EIF2S2: variants seen among roughly 807,000 people sequenced by gnomAD.
The protein encoded by EIF2S2 is eukaryotic translation initiation factor 2 subunit 2.
EIF2S2 carries 4 observed loss-of-function variants against 44.0 expected under a neutral mutation model. That is an observed-to-expected ratio of 0.09 (90% CI 0.04 to 0.21). The LOEUF (loss-of-function observed/expected upper bound fraction) is 0.21, where lower values mean the gene tolerates loss of function less well. Among genes scored for constraint, EIF2S2 ranks in the 10% least tolerant of loss-of-function variants. EIF2S2 has a pLI of 1.00. For synonymous variants in EIF2S2, 108 were observed against 128.3 expected (o/e 0.84, Z 1.07); for missense variants, 154 against 392.0 (o/e 0.39, Z 5.13).
chr20:34,089,358 G>GT lies in EIF2S2; in HGVS notation c.*371dup, dbSNP rs2034134793. The GT allele has an allele frequency of 5.2e-6, 1 of 193,804 alleles. No individual in the cohort carries two copies. The highest frequency in any genetic ancestry group is 1.0e-5 in the Non-Finnish European group (1 of 95,922). The allele number at this position is 193,804 out of a possible 1,614,324, so 12.0% of individuals were successfully genotyped here. On this transcript the variant is annotated 3_prime_UTR_variant, in exon 9 of 9. Coordinates refer to ENST00000374980, the MANE Select transcript of EIF2S2 (RefSeq NM_003908.5). ...TCTCAGTCAGAGCCCGGCACACACT[G>GT]TTTTATATGGTTGGTTTCTTGCTGA...
intron 7 of EIF2S2, among the ~76,000 whole-genome samples, chr20:34,091,547 C>A (rs2034162766): frequency 1.3e-5 from 2 of 151,840 alleles, no homozygotes. Context: ...GGAACCCCGT[C>A]TCTACTACAA....
chr20:34,089,624 G>A lies in EIF2S2; in HGVS notation c.*106C>T. 2 of 1,309,718 alleles carry A rather than the reference G, an allele frequency of 1.5e-6. No individual in the cohort carries two copies. The highest frequency in any genetic ancestry group is 2.0e-6 in the Non-Finnish European group (2 of 976,948). 81.1% of individuals were successfully genotyped at this position (1,309,718 alleles called of 1,614,324 possible). A position where few individuals can be genotyped will look rare whatever the true frequency, so the allele number is the denominator to read the frequency against. ...AGACCAACCACTCGCCAAAAATCTT[G>A]GCAGCTTTTTTATCTTGTTTTTAAT... On this transcript the variant is annotated 3_prime_UTR_variant, in exon 9 of 9. Coordinates refer to ENST00000374980, the MANE Select transcript of EIF2S2 (RefSeq NM_003908.5).
chr20:34,097,390 C>T lies in EIF2S2; in HGVS notation c.534+26G>A, dbSNP rs192134444. 3 of 1,580,126 alleles carry T rather than the reference C, an allele frequency of 1.9e-6. No homozygotes were observed. In the African/African-American group the frequency reaches 4.0e-5, roughly 21 times the overall value. On this transcript the variant is annotated intron_variant, in intron 5 of 8. Coordinates refer to ENST00000374980, the MANE Select transcript of EIF2S2 (RefSeq NM_003908.5). ...TTGAGCACTAGTGAATAGCTTAGCC[C>T]CTTTTCACAACAGATTTTGTCTTAC... is the stretch of plus-strand genomic sequence containing the variant.
At chr20:34,098,329 C>A (rs994090888) in intron 4 of EIF2S2, among the ~76,000 whole-genome samples, 169 bp downstream of exon 4, 2 of 151,980 alleles carry the variant, frequency 1.3e-5, no homozygotes, top group Non-Finnish European at 2.9e-5. Flanking sequence ...TTAACAAATT[C>A]TTTAACTGCC....
chr20:34,096,212 A>G (rs980482132), intron 6 of EIF2S2, among the ~76,000 whole-genome samples: 1 of 152,006 alleles, frequency 6.6e-6, no homozygotes, highest in Admixed American at 6.6e-5. Context: ...GTGGGTCAGC[A>G]TGAGTTGATT....
At chr20:34,100,406 C>A (rs1289556408) in intron 3 of EIF2S2, among the ~76,000 whole-genome samples, 1 of 152,134 alleles carries the variant, frequency 6.6e-6, no homozygotes, top group East Asian at 1.9e-4. Flanking sequence ...AAGTTCCAAC[C>A]CTCTAAAATC....
rs2034173738 is a variant in EIF2S2 at position 34,092,171 on chromosome 20, C to CT, written c.740+1503dup. 2.0e-5 allele frequency among the ~76,000 whole-genome samples: 3 copies of CT among 152,256 alleles called. No homozygotes were observed. The South Asian group carries it at 6.2e-4, about 32-fold the overall frequency. ...GATTGCAATGCTTGATGTAGAAATT[C>CT]TTTTTCATTCACTGTCAAAATAAAT... On this transcript the variant is annotated intron_variant, in intron 7 of 8. Coordinates refer to ENST00000374980, the MANE Select transcript of EIF2S2 (RefSeq NM_003908.5).
intron 3 of EIF2S2, 129 bp downstream of exon 3, chr20:34,103,333 T>C: frequency 1.6e-6 from 2 of 1,261,144 alleles, no homozygotes; most frequent in South Asian, 1.4e-5. Flanking sequence ...AAAATGACGC[T>C]ACCAGTGGCA....
chr20:34,107,544 G>A (rs1317037291), intron 1 of EIF2S2, among the ~76,000 whole-genome samples: 2 of 152,146 alleles, frequency 1.3e-5, no homozygotes, highest in African/African-American at 2.4e-5. Context: ...GTAAGTACTC[G>A]ATAAATATTA....
In EIF2S2 at chr20:34,096,665, G is replaced by C. The variant is rs763581217; in HGVS notation, c.675C>G (p.Ile225Met). 6.3e-7 allele frequency: 1 copy of C among 1,598,452 alleles called. No individual in the cohort carries two copies. The highest frequency in any genetic ancestry group is 8.5e-7 in the Non-Finnish European group (1 of 1,175,550). Residue 225 changes from isoleucine to methionine, a missense_variant, in exon 6 of 9, where the codon ATC becomes ATG. Physicochemically the swap from Ile to Met is conservative, Grantham distance 10 (BLOSUM62 1). This residue lies in a region of EIF2S2 where 20 missense variants were observed against 167.0 expected (regional missense o/e 0.12). Coordinates refer to ENST00000374980, the MANE Select transcript of EIF2S2 (RefSeq NM_003908.5). ...TCCATTAACCAACTTACAGTTTACAGATATCTGTAAAGTTGACAAAAGAAG... is the reference window on the plus strand; with the variant it reads ...TCCATTAACCAACTTACAGTTTACACATATCTGTAAAGTTGACAAAAGAAG... ...KKTSFVNFTD[I>M]CKLLHRQPKH...
At chr20:34,090,751 A>G (rs535333222) in intron 7 of EIF2S2, 149 bp from the exon 8 acceptor site, 25 of 458,424 alleles carry the variant, frequency 5.5e-5, no homozygotes, top group African/African-American at 4.9e-4. Context: ...GTTTCCCAAA[A>G]TTTATTTATT....
intron 3 of EIF2S2, among the ~76,000 whole-genome samples, chr20:34,098,914 C>T (rs766929391): frequency 1.4e-4 from 21 of 152,150 alleles, no homozygotes; most frequent in Non-Finnish European, 2.8e-4. Flanking sequence ...AGATAAGAAA[C>T]GCCTGTCAGA....
At chr20:34,097,107 A>G (rs998128609) in intron 5 of EIF2S2, among the ~76,000 whole-genome samples, 5 of 152,210 alleles carry the variant, frequency 3.3e-5, no homozygotes, top group African/African-American at 1.2e-4. Flanking sequence ...CAAACTAGCA[A>G]ACTCCAGACT....
In EIF2S2 at chr20:34,096,928, T is replaced by A. The variant is rs1046614159; in HGVS notation, c.535-123A>T. 5 of 1,108,464 alleles carry A rather than the reference T, an allele frequency of 4.5e-6. No homozygotes were observed. The African/African-American group carries it at 6.3e-5, about 14-fold the overall frequency. 68.7% of individuals were successfully genotyped at this position (1,108,464 alleles called of 1,614,324 possible). A position where few individuals can be genotyped will look rare whatever the true frequency, so the allele number is the denominator to read the frequency against. ...CTGATTAAATATACACATGCATTAC[T>A]ACAAGTCTGGGAGCTCCTTGAGGGC... is the stretch of plus-strand genomic sequence containing the variant. On this transcript the variant is annotated intron_variant, in intron 5 of 8. Coordinates refer to ENST00000374980, the MANE Select transcript of EIF2S2 (RefSeq NM_003908.5).
At chr20:34,097,284 G>T in intron 5 of EIF2S2, 132 bp downstream of exon 5, 1 of 755,564 alleles carries the variant, frequency 1.3e-6, no homozygotes, top group Non-Finnish European at 2.1e-6. Flanking sequence ...GCTGTGCACT[G>T]GCTGTGTGAC....
intron 1 of EIF2S2, among the ~76,000 whole-genome samples, chr20:34,108,846 A>C (rs1398099194): frequency 6.6e-6 from 1 of 152,202 alleles, no homozygotes; most frequent in East Asian, 1.9e-4. Flanking sequence ...AAGAACCCAC[A>C]GAGAAGCAAG....
At position 34,089,611 on chromosome 20, in the gene EIF2S2, C is replaced by A. The variant is rs7392; in HGVS notation, c.*119G>T. 3.4e-6 allele frequency: 4 copies of A among 1,179,282 alleles called. No homozygotes were observed. In the African/African-American group the frequency reaches 6.2e-5, roughly 18 times the overall value. The allele number at this position is 1,179,282 out of a possible 1,614,324, so 73.1% of individuals were successfully genotyped here. A position where few individuals can be genotyped will look rare whatever the true frequency, so the allele number is the denominator to read the frequency against. On this transcript the variant is annotated 3_prime_UTR_variant, in exon 9 of 9. Transcript: ENST00000374980. ...TTGCAAGGACTTCAGACCAACCACT[C>A]GCCAAAAATCTTGGCAGCTTTTTTA... is the stretch of plus-strand genomic sequence containing the variant.
chr20:34,101,850 T>C (rs1395552882), intron 3 of EIF2S2, among the ~76,000 whole-genome samples: 1 of 152,028 alleles, frequency 6.6e-6, no homozygotes, highest in African/African-American at 2.4e-5. Flanking sequence ...AATTTTTGTA[T>C]TTTTAGTAGA....
intron 6 of EIF2S2, among the ~76,000 whole-genome samples, chr20:34,096,108 T>C (rs2034225554): frequency 6.6e-6 from 1 of 152,162 alleles, no homozygotes; most frequent in Non-Finnish European, 1.5e-5. Context: ...CTAGAGCAAC[T>C]GATGAGCCTT....
Sources: allele counts gnomAD v4.1 joint callset (sites outside exome capture counted in the v4.1 genomes callset), GRCh38; gene constraint gnomAD v4.1.1; regional missense constraint gnomAD v4.1.1; transcripts MANE v1.5; gene names NCBI Gene and HGNC (gene_info 2026-07-23, HGNC 2026-07-21).